GRIA1: variants seen among roughly 807,000 people sequenced by gnomAD.
GRIA1 encodes glutamate receptor 1.
A neutral mutation model predicts 99.2 loss-of-function variants in GRIA1; 31 were observed. That is an observed-to-expected ratio of 0.31 (90% CI 0.23 to 0.42). The LOEUF (loss-of-function observed/expected upper bound fraction) is 0.42, where lower values mean the gene tolerates loss of function less well. Ranked by LOEUF, GRIA1 falls within the 10% of genes least tolerant of loss-of-function variation. GRIA1 has a pLI of 1.00. For missense variants in GRIA1, 782 were observed against 1,157.5 expected (o/e 0.68, Z 4.71); for synonymous variants, 438 against 432.4 (o/e 1.01, Z -0.16).
At chr5:153,552,114 G>A (rs1348987317) in intron 2 of GRIA1, among the ~76,000 whole-genome samples, 1 of 151,882 alleles carries the variant, frequency 6.6e-6, no homozygotes, top group African/African-American at 2.4e-5. Flanking sequence ...GGTGTTCTAT[G>A]GATTGCATCC....
In GRIA1 at chr5:153,543,497, T is replaced by A. The variant is rs1009416484; in HGVS notation, c.220+49432T>A. The stretch of plus-strand genomic sequence containing the variant: ...TCCTGAGAGCCTACATTTAGTAAAC[T>A]AAGACAAAGTCAGAATTTGATACAG... On this transcript the variant is annotated intron_variant, in intron 2 of 15. Transcript: ENST00000285900. 4.6e-5 allele frequency among the ~76,000 whole-genome samples: 7 copies of A among 152,282 alleles called. No individual in the cohort carries two copies. In the East Asian group the frequency reaches 1.4e-3, roughly 29 times the overall value.
rs1007564982 is a variant in GRIA1, at chr5:153,651,777, C to T, written c.645+1263C>T. ...TCTTGGAAAGAGAAACCCAGCAAAA[C>T]TTGTTCCTTTGAGATGGAAGTTCTC... On this transcript the variant is annotated intron_variant, in intron 4 of 15. Coordinates refer to ENST00000285900, the MANE Select transcript of GRIA1 (RefSeq NM_000827.4). Among the ~76,000 whole-genome samples the T allele has an allele frequency of 5.9e-5, 9 of 152,154 alleles. 1 individual carries two copies. In the South Asian group the frequency reaches 6.2e-4, roughly 11 times the overall value.
intron 2 of GRIA1, among the ~76,000 whole-genome samples, chr5:153,584,835 G>A (rs960149973): frequency 4.6e-5 from 7 of 152,152 alleles, no homozygotes; most frequent in Admixed American, 4.6e-4. Context: ...CTACCAGATT[G>A]GGTTAAACAA....
At chr5:153,603,984 A>G (rs1227668519) in intron 2 of GRIA1, among the ~76,000 whole-genome samples, 4 of 152,236 alleles carry the variant, frequency 2.6e-5, no homozygotes, top group African/African-American at 9.6e-5. Flanking sequence ...ATACCTATAT[A>G]TATTTACATA....
intron 13 of GRIA1, among the ~76,000 whole-genome samples, chr5:153,785,354 C>T (rs574687954): frequency 1.3e-5 from 2 of 152,218 alleles, no homozygotes; most frequent in East Asian, 1.9e-4. Context: ...GAGAGTTCCT[C>T]GAAGGCCCTT....
intron 13 of GRIA1, 82 bp downstream of exon 13, chr5:153,770,497 C>T: frequency 1.5e-6 from 2 of 1,326,454 alleles, no homozygotes; most frequent in Non-Finnish European, 2.1e-6. Flanking sequence ...TGCTACAAGC[C>T]TCCAATGCCA....
intron 2 of GRIA1, among the ~76,000 whole-genome samples, chr5:153,575,286 TA>T (rs1355363498): frequency 1.3e-5 from 2 of 152,046 alleles, no homozygotes; most frequent in Non-Finnish European, 2.9e-5. Context: ...GAAAGCCTCA[TA>T]ATGTCCATTG....
At chr5:153,748,839 T>C (rs566994140) in intron 11 of GRIA1, among the ~76,000 whole-genome samples, 48 of 152,240 alleles carry the variant, frequency 3.2e-4, no homozygotes, top group Admixed American at 2.2e-3. Context: ...TGAGGGTTCA[T>C]TGAGAATTTT....
chr5:153,736,576 G>C (rs1210515334), intron 11 of GRIA1, among the ~76,000 whole-genome samples: 5 of 152,122 alleles, frequency 3.3e-5, no homozygotes, highest in Admixed American at 1.3e-4. Flanking sequence ...TGGATGTTTG[G>C]GGGTAGCTGA....
At chr5:153,571,099 G>C (rs1224815620) in intron 2 of GRIA1, among the ~76,000 whole-genome samples, 1 of 152,112 alleles carries the variant, frequency 6.6e-6, no homozygotes, top group Non-Finnish European at 1.5e-5. Context: ...CTTTGTTTTG[G>C]GGGGCTGTCC....
At chr5:153,577,065 G>GATGA (rs1762615553) in intron 2 of GRIA1, among the ~76,000 whole-genome samples, 1 of 147,292 alleles carries the variant, frequency 6.8e-6, no homozygotes, top group Non-Finnish European at 1.5e-5. Context: ...TGGATGGATG[G>GATGA]ATGGATGGAT....
chr5:153,572,281 G>A (rs1281948914), intron 2 of GRIA1, among the ~76,000 whole-genome samples: 1 of 152,140 alleles, frequency 6.6e-6, no homozygotes, highest in Non-Finnish European at 1.5e-5. Context: ...CTACTCTCAG[G>A]AAGCTGGAAT....
chr5:153,708,256 G>A (rs1381300071), intron 11 of GRIA1, among the ~76,000 whole-genome samples: 2 of 152,130 alleles, frequency 1.3e-5, no homozygotes, highest in East Asian at 3.9e-4. Flanking sequence ...CTCTTGAACA[G>A]GTCCGCGCAT....
chr5:153,568,028 G>C (rs1761804236), intron 2 of GRIA1, among the ~76,000 whole-genome samples: 1 of 152,140 alleles, frequency 6.6e-6, no homozygotes, highest in Non-Finnish European at 1.5e-5. Flanking sequence ...TTGAGTTTTT[G>C]TGGGTTTTTG....
At chr5:153,755,543 G>A (rs934041884) in intron 11 of GRIA1, 1 of 152,278 alleles carries the variant, frequency 6.6e-6, no homozygotes, top group African/African-American at 2.4e-5. Context: ...AGGGGACCAC[G>A]AGGTTGCCTA....
At chr5:153,557,507 A>G (rs1401758515) in intron 2 of GRIA1, among the ~76,000 whole-genome samples, 1 of 152,086 alleles carries the variant, frequency 6.6e-6, no homozygotes, top group African/African-American at 2.4e-5. Flanking sequence ...TAACTTTTTG[A>G]CTCTTTTGTA....
At chr5:153,600,324 G>A (rs1384589142) in intron 2 of GRIA1, among the ~76,000 whole-genome samples, 1 of 146,034 alleles carries the variant, frequency 6.8e-6, no homozygotes, top group Non-Finnish European at 1.5e-5. Context: ...CCCAGGAGGC[G>A]GAGTTTGCAG....
At position 153,811,202 on chromosome 5, in the gene GRIA1, C is replaced by T. The variant is rs1302659705; in HGVS notation, c.2698C>T (p.Pro900Ser). 1.2e-6 allele frequency: 2 copies of T among 1,613,910 alleles called. No homozygotes were observed. Among genetic ancestry groups the T allele is most frequent in the South Asian group, 1.1e-5 (1 of 91,062 alleles). Residue 900 changes from proline (P) to serine (S), a missense_variant, in exon 16 of 16, where the codon CCC becomes TCC. Physicochemically the swap from Pro to Ser is moderately conservative, Grantham distance 74 (BLOSUM62 -1). Around this residue, in one of 5 missense-constraint regions of GRIA1, gnomAD observed 76 missense variants for 81.2 expected, o/e 0.94. Coordinates refer to ENST00000285900, the MANE Select transcript of GRIA1 (RefSeq NM_000827.4). ...IPCMSHSSGM[P>S]LGATGL ...TTGCATGAGCCACAGTTCAGGGATG[C>T]CCTTGGGAGCCACGGGATTGTAACT...
chr5:153,804,732 A>AATTTATTTATTT (rs201693712), intron 15 of GRIA1, among the ~76,000 whole-genome samples: 17 of 76,086 alleles, frequency 2.2e-4, no homozygotes, highest in African/African-American at 9.4e-4. Flanking sequence ...TTAATTAATT[A>AATTTATTTATTT]ATTTATTTAT....
Sources: allele counts gnomAD v4.1 joint callset (sites outside exome capture counted in the v4.1 genomes callset), GRCh38; gene constraint gnomAD v4.1.1; regional missense constraint gnomAD v4.1.1; transcripts MANE v1.5; gene names NCBI Gene and HGNC (gene_info 2026-07-23, HGNC 2026-07-21).